Variants in FRAS1 observed in about 807,000 individuals in gnomAD.
FRAS1 encodes extracellular matrix organizing protein FRAS1.
FRAS1 carries 290 observed loss-of-function variants against 435.2 expected under a neutral mutation model. The ratio of observed to expected loss-of-function variants is 0.67; its 90% CI spans 0.61 to 0.73. The LOEUF is 0.73. Ranked by LOEUF, FRAS1 falls within the 30% of genes least tolerant of loss-of-function variation. The pLI, the probability that FRAS1 is intolerant of heterozygous loss-of-function variation, is 0.00. For synonymous variants in FRAS1, 1,800 were observed against 1,851.0 expected (o/e 0.97, Z 0.71); for missense variants, 4,860 against 5,001.5 (o/e 0.97, Z 0.85).
rs1486530293 is a variant in FRAS1, at chr4:78,336,867, C to T, written c.2279-807C>T. ...GCAGAGAAGTTCTTAAATCTGCTTC[C>T]ATGTGCTTGCTCCTGCTGCTCCCTT... On this transcript the variant is annotated intron_variant, in intron 19 of 73. Coordinates refer to ENST00000512123, the MANE Select transcript of FRAS1 (RefSeq NM_025074.7). Among the ~76,000 whole-genome samples the T allele has an allele frequency of 2.6e-5, 4 of 152,184 alleles. No individual in the cohort carries two copies. The East Asian group carries it at 7.7e-4, about 29-fold the overall frequency.
chr4:78,117,240 C>T (rs568384683), intron 2 of FRAS1, among the ~76,000 whole-genome samples: 1 of 152,140 alleles, frequency 6.6e-6, no homozygotes, highest in Admixed American at 6.5e-5. Flanking sequence ...GGTAACCTGA[C>T]CTTTCTCTCT....
intron 2 of FRAS1, among the ~76,000 whole-genome samples, chr4:78,089,154 T>C (rs1741367547): frequency 6.6e-6 from 1 of 151,806 alleles, no homozygotes; most frequent in Non-Finnish European, 1.5e-5. Flanking sequence ...CTGGAAACCA[T>C]CATTCTCAGC....
At chr4:78,189,766 A>G (rs1297250944) in intron 2 of FRAS1, among the ~76,000 whole-genome samples, 1 of 152,240 alleles carries the variant, frequency 6.6e-6, no homozygotes, top group East Asian at 1.9e-4. Context: ...AATAATCCTC[A>G]GATTTCACAA....
At chr4:78,070,706 T>C (rs1740303579) in intron 2 of FRAS1, 1 of 152,172 alleles carries the variant, frequency 6.6e-6, no homozygotes, top group African/African-American at 2.4e-5. Context: ...ATTTCAAAGT[T>C]TTCACACACC....
chr4:78,345,952 C>T (rs936938623), intron 20 of FRAS1, among the ~76,000 whole-genome samples: 21 of 152,082 alleles, frequency 1.4e-4, no homozygotes, highest in African/African-American at 4.6e-4. Flanking sequence ...AGAGAAGGAC[C>T]TTACTTGTAA....
Position 78,543,960 on chromosome 4 carries a change from C to T in FRAS1, c.*2836C>T, listed in dbSNP as rs1284152582. On this transcript the variant is annotated 3_prime_UTR_variant, in exon 74 of 74. Coordinates refer to ENST00000512123, the MANE Select transcript of FRAS1 (RefSeq NM_025074.7). The stretch of plus-strand genomic sequence containing the variant: ...TGGTCTGTACCATTCTGCTTTGCTG[C>T]CCTTTTATTGTACCCCAGGCCTCCT... The T allele has an allele frequency of 6.6e-6, 1 of 152,454 alleles. No homozygotes were observed. Among genetic ancestry groups the T allele is most frequent in the Non-Finnish European group, 1.5e-5 (1 of 68,016 alleles). The allele number at this position is 152,454 out of a possible 1,614,324, so 9.4% of individuals were successfully genotyped here.
rs139412411 is a variant in FRAS1, at chr4:78,519,325, C to T, written c.10390-6C>T. On this transcript the variant is annotated splice_polypyrimidine_tract_variant and splice_region_variant and intron_variant, in intron 66 of 73. Coordinates refer to ENST00000512123, the MANE Select transcript of FRAS1 (RefSeq NM_025074.7). The stretch of plus-strand genomic sequence containing the variant: ...TAACTCTGTGTGCATACTGCTTCCT[C>T]GGCAGGTGAGGGACTCTGCCCAGTC... 61 of 1,523,024 alleles carry T rather than the reference C, an allele frequency of 4.0e-5. 1 individual carries two copies. The highest frequency in any genetic ancestry group is 3.8e-4 in the Admixed American group (16 of 42,006). The allele number at this position is 1,523,024 out of a possible 1,614,324, so 94.3% of individuals were successfully genotyped here. A position where few individuals can be genotyped will look rare whatever the true frequency, so the allele number is the denominator to read the frequency against.
intron 2 of FRAS1, among the ~76,000 whole-genome samples, chr4:78,196,583 C>T (rs1298092396): frequency 7.5e-6 from 1 of 134,200 alleles, no homozygotes; most frequent in Admixed American, 8.4e-5. Flanking sequence ...AAAATTAAAG[C>T]CATGAACTAA....
chr4:78,410,127 G>C (rs1356871310), intron 31 of FRAS1, among the ~76,000 whole-genome samples: 1 of 152,154 alleles, frequency 6.6e-6, no homozygotes, highest in Non-Finnish European at 1.5e-5. Flanking sequence ...AGTCACCTCT[G>C]CAAACTAGAA....
chr4:78,085,787 G>C (rs920314778), intron 2 of FRAS1, among the ~76,000 whole-genome samples: 1 of 152,066 alleles, frequency 6.6e-6, no homozygotes, highest in South Asian at 2.1e-4. Flanking sequence ...AGTCCTTAGT[G>C]ACATACAAAG....
intron 20 of FRAS1, among the ~76,000 whole-genome samples, chr4:78,341,585 T>C (rs955679930): frequency 6.6e-6 from 1 of 152,160 alleles, no homozygotes; most frequent in East Asian, 1.9e-4. Flanking sequence ...ATTGCTGTTT[T>C]GTCTGCAAAA....
chr4:78,133,305 C>T (rs2109986319), intron 2 of FRAS1, among the ~76,000 whole-genome samples: 1 of 151,766 alleles, frequency 6.6e-6, no homozygotes, highest in East Asian at 1.9e-4. Context: ...ATTTCTGGGA[C>T]CTAAAAATCA....
Position 78,445,556 on chromosome 4 carries a change from A to T in FRAS1, c.5700A>T (p.Leu1900=). 6.2e-7 allele frequency: 1 copy of T among 1,607,804 alleles called. No homozygotes were observed. Among genetic ancestry groups the T allele is most frequent in the East Asian group, 2.2e-5 (1 of 44,786 alleles). The change falls in exon 42 of 74, where the codon CTA becomes CTT. Residue 1900 remains leucine, a synonymous_variant. Transcript: ENST00000512123. ...DRFGPETASD[L]EASFPIQDVL... Reference sequence around the variant, plus strand: ...TTGGCCCTGAAACTGCCAGTGACCTAGAGGCATCATTTCCTATTCAAGACG... The same window carrying T: ...TTGGCCCTGAAACTGCCAGTGACCTTGAGGCATCATTTCCTATTCAAGACG...
At chr4:78,065,083 TAC>T (rs1553915421) in intron 1 of FRAS1, among the ~76,000 whole-genome samples, 9 of 140,594 alleles carry the variant, frequency 6.4e-5, no homozygotes, top group East Asian at 2.1e-4. Context: ...TATATATATA[TAC>T]ATACACACAC....
At chr4:78,467,609 G>T (rs1019000205) in intron 50 of FRAS1, among the ~76,000 whole-genome samples, 3 of 152,116 alleles carry the variant, frequency 2.0e-5, no homozygotes, top group African/African-American at 7.2e-5. Context: ...TTGTTGGATT[G>T]TATGGTAGCT....
intron 2 of FRAS1, among the ~76,000 whole-genome samples, chr4:78,220,066 A>C (rs1403753259): frequency 6.6e-6 from 1 of 152,202 alleles, no homozygotes; most frequent in African/African-American, 2.4e-5. Flanking sequence ...ATTGGAGTAG[A>C]TGATTAACTC....
intron 19 of FRAS1, among the ~76,000 whole-genome samples, chr4:78,333,819 A>G (rs1024949112): frequency 1.3e-5 from 2 of 152,160 alleles, no homozygotes; most frequent in South Asian, 2.1e-4. Flanking sequence ...ACAGAGAGAG[A>G]GAGATAGGGT....
chr4:78,375,812 G>T lies in FRAS1; in HGVS notation c.3225G>T (p.Lys1075Asn). Residue 1075 changes from lysine (K) to asparagine (N), a missense_variant, in exon 26 of 74, where the codon AAG becomes AAT. Coordinates refer to ENST00000512123, the MANE Select transcript of FRAS1 (RefSeq NM_025074.7). Reference protein sequence around the residue: ...CHLCDHGFFLKSGLCVYNCVP... With the variant: ...CHLCDHGFFLNSGLCVYNCVP... ...TCTGTGACCATGGGTTCTTTCTGAA[G>T]AGTGGCCTCTGTGTTTACAACTGTG... The T allele has an allele frequency of 6.2e-7, 1 of 1,613,572 alleles. No homozygotes were observed. The highest frequency in any genetic ancestry group is 8.5e-7 in the Non-Finnish European group (1 of 1,179,706).
intron 2 of FRAS1, among the ~76,000 whole-genome samples, chr4:78,079,016 C>G (rs1167399324): frequency 2.0e-5 from 3 of 152,054 alleles, no homozygotes; most frequent in Non-Finnish European, 4.4e-5. Context: ...CTAAATGTCT[C>G]TATTAGAGGA....
Sources: gnomAD v4.1 joint callset for allele counts (sites outside exome capture counted in the v4.1 genomes callset) on GRCh38, gnomAD v4.1.1 for gene constraint, MANE v1.5 for transcripts, NCBI Gene and HGNC (gene_info 2026-07-23, HGNC 2026-07-21) for gene names.